SDK1: variants seen among roughly 807,000 people sequenced by gnomAD.
SDK1 encodes sidekick cell adhesion molecule 1.
A neutral mutation model predicts 245.5 loss-of-function variants in SDK1; 157 were observed. The ratio of observed to expected loss-of-function variants is 0.64; its 90% confidence interval spans 0.56 to 0.73. SDK1 has a LOEUF of 0.73. Ranked by LOEUF, SDK1 falls within the 30% of genes least tolerant of loss-of-function variation. The probability of loss-of-function intolerance (pLI) is 0.00; values close to 1 mark genes in which losing one functional copy is unlikely to be tolerated. For synonymous variants in SDK1, 1,647 were observed against 1,278.5 expected (o/e 1.29, Z -6.15); for missense variants, 3,583 against 3,002.3 (o/e 1.19, Z -4.52).
At chr7:4,016,742 GT>G (rs1786430540) in intron 16 of SDK1, among the ~76,000 whole-genome samples, 1 of 152,090 alleles carries the variant, frequency 6.6e-6, no homozygotes, top group Non-Finnish European at 1.5e-5. Flanking sequence ...ATGGAGCTCT[GT>G]CCCTGGACAC....
chr7:3,893,242 C>T (rs984189836), intron 5 of SDK1, among the ~76,000 whole-genome samples: 3 of 152,178 alleles, frequency 2.0e-5, no homozygotes, highest in Non-Finnish European at 4.4e-5. Flanking sequence ...GGTTCTGCCT[C>T]TGCCTGGGGC....
chr7:4,099,877 C>T (rs1049625749), intron 22 of SDK1, among the ~76,000 whole-genome samples: 1 of 151,660 alleles, frequency 6.6e-6, no homozygotes, highest in African/African-American at 2.4e-5. Flanking sequence ...TGCTGGTCAC[C>T]GAGCTCGCTG....
At chr7:3,419,499 G>T (rs1459842805) in intron 1 of SDK1, among the ~76,000 whole-genome samples, 1 of 152,170 alleles carries the variant, frequency 6.6e-6, no homozygotes, top group African/African-American at 2.4e-5. Context: ...CCACCCGGCA[G>T]GTCCGCAGGG....
At chr7:3,826,088 G>C (rs562674087) in intron 5 of SDK1, among the ~76,000 whole-genome samples, 2 of 152,318 alleles carry the variant, frequency 1.3e-5, no homozygotes, top group South Asian at 4.2e-4. Context: ...TGTACGGAGT[G>C]AAGTGTGAGG....
At chr7:3,334,680 C>T (rs4722693) in intron 1 of SDK1, among the ~76,000 whole-genome samples, 91,047 of 151,958 alleles carry the variant, frequency 0.6, 28,209 homozygotes, top group African/African-American at 0.78. Context: ...TCATTCTGTT[C>T]CCTTCGTTGA....
At chr7:4,193,334 TATTA>T (rs962734679) in intron 35 of SDK1, among the ~76,000 whole-genome samples, 23 of 128,942 alleles carry the variant, frequency 1.8e-4, no homozygotes, top group Non-Finnish European at 3.1e-4. Flanking sequence ...TATATAAATA[TATTA>T]ATTTATATAA....
rs1202027463 is a variant in SDK1, at chr7:3,951,813, C to G, written c.1043C>G (p.Thr348Ser). Residue 348 changes from threonine (T) to serine (S), a missense_variant, in exon 7 of 45, where the codon ACC becomes AGC. Physicochemically the swap from Thr to Ser is moderately conservative, Grantham distance 58. Coordinates refer to ENST00000404826, the MANE Select transcript of SDK1 (RefSeq NM_152744.4). The part of the protein sequence containing the change: ...SGLHSFGRRL[T>S]ISNPTSADTG... ...CTCCACAGCTTTGGAAGACGCCTCA[C>G]CATCAGCAACCCGACGTCCGCGGAC... 6.2e-7 allele frequency: 1 copy of G among 1,613,790 alleles called. No homozygotes were observed. The highest frequency in any genetic ancestry group is 1.3e-5 in the African/African-American group (1 of 74,918).
intron 27 of SDK1, among the ~76,000 whole-genome samples, 192 bp from the exon 28 acceptor site, chr7:4,132,133 G>C (rs780261609): frequency 2.0e-5 from 3 of 152,120 alleles, no homozygotes; most frequent in Admixed American, 6.5e-5. Context: ...GTTTGCTCAA[G>C]ATCCTTAGGG....
chr7:3,954,852 C>T (rs1367141490), intron 7 of SDK1, among the ~76,000 whole-genome samples: 1 of 151,928 alleles, frequency 6.6e-6, no homozygotes, highest in African/African-American at 2.4e-5. Context: ...ACTCTATTAT[C>T]CTATATGTCC....
chr7:3,629,502 G>T (rs991175200), intron 2 of SDK1, among the ~76,000 whole-genome samples: 1 of 152,098 alleles, frequency 6.6e-6, no homozygotes, highest in Non-Finnish European at 1.5e-5. Flanking sequence ...GGACTCGGCG[G>T]AGTGTCTGTT....
At position 4,245,666 on chromosome 7, in the gene SDK1, C is replaced by T. The variant is rs1223834625; in HGVS notation, c.6252-10C>T. The T allele has an allele frequency of 5.0e-6, 8 of 1,613,564 alleles. No individual in the cohort carries two copies. Among genetic ancestry groups the T allele is most frequent in the Non-Finnish European group, 5.9e-6 (7 of 1,179,702 alleles). ...CCAGAGGGTAATTGCAGCATGGGTCCTCATCCTAGGTCCCCACCCCGGCCT... is the reference window on the plus strand; with the variant it reads ...CCAGAGGGTAATTGCAGCATGGGTCTTCATCCTAGGTCCCCACCCCGGCCT... On this transcript the variant is annotated splice_polypyrimidine_tract_variant and intron_variant, in intron 43 of 44. Transcript: ENST00000404826.
chr7:4,051,924 A>G, intron 19 of SDK1, 94 bp downstream of exon 19: 1 of 1,209,428 alleles, frequency 8.3e-7, no homozygotes, highest in South Asian at 1.5e-5. Context: ...GAGGTGGATC[A>G]CGAGGAGGCC....
At chr7:4,040,974 G>C (rs1788587457) in intron 17 of SDK1, among the ~76,000 whole-genome samples, 1 of 152,200 alleles carries the variant, frequency 6.6e-6, no homozygotes. Context: ...CTCTTTGTTA[G>C]AAAAGAAATG....
chr7:4,072,441 TC>T (rs1780311895), intron 20 of SDK1, among the ~76,000 whole-genome samples: 1 of 152,012 alleles, frequency 6.6e-6, no homozygotes, highest in Non-Finnish European at 1.5e-5. Flanking sequence ...GGAGATGAGA[TC>T]GGATGTTATC....
At chr7:4,232,614 T>C (rs2128235737) in intron 40 of SDK1, among the ~76,000 whole-genome samples, 1 of 152,050 alleles carries the variant, frequency 6.6e-6, no homozygotes, top group Admixed American at 6.5e-5. Context: ...CACAGGTGCA[T>C]GCCACCATGC....
In SDK1 at chr7:4,268,357, C is replaced by A. The variant is rs1444842587; in HGVS notation, c.*2973C>A. On this transcript the variant is annotated 3_prime_UTR_variant, in exon 45 of 45. Coordinates refer to ENST00000404826, the MANE Select transcript of SDK1 (RefSeq NM_152744.4). The stretch of plus-strand genomic sequence containing the variant: ...CAGAGAGAGCTGCCAGGCCACACCC[C>A]CTCGGCCTCCTGCACGGCCACCTTC... 2.8e-6 allele frequency: 3 copies of A among 1,056,724 alleles called. No individual in the cohort carries two copies. The highest frequency in any genetic ancestry group is 3.4e-6 in the Non-Finnish European group (3 of 870,512). The allele number at this position is 1,056,724 out of a possible 1,614,324, so 65.5% of individuals were successfully genotyped here. A position where few individuals can be genotyped will look rare whatever the true frequency, so the allele number is the denominator to read the frequency against.
chr7:3,548,415 G>C (rs927671894), intron 1 of SDK1, among the ~76,000 whole-genome samples: 4 of 152,186 alleles, frequency 2.6e-5, no homozygotes, highest in African/African-American at 4.8e-5. Context: ...AAACTACTGA[G>C]CTACATTTTA....
At chr7:3,916,877 A>G (rs551348874) in intron 5 of SDK1, among the ~76,000 whole-genome samples, 3 of 152,344 alleles carry the variant, frequency 2.0e-5, no homozygotes, top group South Asian at 2.1e-4. Flanking sequence ...GGATAGATAG[A>G]TAATAGAGGA....
At chr7:4,177,110 A>T (rs1254108852) in intron 34 of SDK1, among the ~76,000 whole-genome samples, 1 of 152,234 alleles carries the variant, frequency 6.6e-6, no homozygotes, top group Non-Finnish European at 1.5e-5. Context: ...AGGGCAGCAC[A>T]GCTCCAACAT....
Sources: allele counts gnomAD v4.1 joint callset (sites outside exome capture counted in the v4.1 genomes callset), GRCh38; gene constraint gnomAD v4.1.1; transcripts MANE v1.5; gene names NCBI Gene and HGNC (gene_info 2026-07-23, HGNC 2026-07-21).